Variants in STX17 observed in about 807,000 individuals in gnomAD.
STX17 encodes the protein syntaxin 17.
Under a neutral mutation model 35.9 loss-of-function variants are expected in STX17, and 29 were observed. The observed-to-expected ratio is 0.81, with a 90% CI of 0.60 to 1.10. The LOEUF (loss-of-function observed/expected upper bound fraction) is 1.10. Ranked by LOEUF, STX17 falls within the 50% of genes least tolerant of loss-of-function variation. STX17 has a pLI of 0.00. For missense variants in STX17, 312 were observed against 352.3 expected (o/e 0.89, Z 0.92); for synonymous variants, 92 against 118.3 (o/e 0.78, Z 1.44).
chr9:99,938,467 A>G (rs1829282734), intron 3 of STX17, among the ~76,000 whole-genome samples: 1 of 152,182 alleles, frequency 6.6e-6, no homozygotes, highest in South Asian at 2.1e-4. Flanking sequence ...AATTCACTGA[A>G]GAACATTAAC....
chr9:99,948,966 A>G (rs1420914297), intron 3 of STX17, among the ~76,000 whole-genome samples: 2 of 152,236 alleles, frequency 1.3e-5, no homozygotes, highest in Non-Finnish European at 2.9e-5. Flanking sequence ...ACTGGTAACT[A>G]TATAACCAAG....
intron 3 of STX17, among the ~76,000 whole-genome samples, chr9:99,930,546 C>T (rs907754551): frequency 6.6e-6 from 1 of 152,134 alleles, no homozygotes; most frequent in Non-Finnish European, 1.5e-5. Flanking sequence ...GGATTACAGG[C>T]GTGAGCCACT....
chr9:99,934,463 C>A (rs942672244), intron 3 of STX17, among the ~76,000 whole-genome samples: 13 of 152,032 alleles, frequency 8.6e-5, no homozygotes, highest in African/African-American at 3.1e-4. Context: ...TATATATATT[C>A]TTTCTGGTGA....
chr9:99,928,795 C>T lies in STX17; in HGVS notation c.141C>T (p.Ile47=). ...TTATATAGTATCAAAGGTGCAGAAT[C>T]TGGGACAAGTTGCATGAAGAGCATA... is the stretch of plus-strand genomic sequence containing the variant. ...INIEKYQRCR[I]WDKLHEEHIN... Residue 47 remains isoleucine, a synonymous_variant, in exon 3 of 8, where the codon ATC becomes ATT. Transcript: ENST00000259400. 6.2e-7 allele frequency: 1 copy of T among 1,613,478 alleles called. No individual in the cohort carries two copies. The highest frequency in any genetic ancestry group is 8.5e-7 in the Non-Finnish European group (1 of 1,179,670).
At chr9:99,931,319 G>A (rs1829116682) in intron 3 of STX17, among the ~76,000 whole-genome samples, 1 of 151,710 alleles carries the variant, frequency 6.6e-6, no homozygotes, top group Non-Finnish European at 1.5e-5. Flanking sequence ...TTGTTTTTTT[G>A]TTTTTTCCCT....
At chr9:99,964,191 C>T (rs1829875329) in intron 6 of STX17, among the ~76,000 whole-genome samples, 1 of 152,010 alleles carries the variant, frequency 6.6e-6, no homozygotes, top group Admixed American at 6.6e-5. Context: ...TACAAGTGTC[C>T]CCAACAGGCA....
chr9:99,920,202 C>A (rs768880392), intron 2 of STX17, among the ~76,000 whole-genome samples: 3 of 152,162 alleles, frequency 2.0e-5, no homozygotes, highest in African/African-American at 2.4e-5. Context: ...TAGACATATC[C>A]TGTAGTTCTG....
chr9:99,960,433 G>C (rs2118521297), intron 6 of STX17, among the ~76,000 whole-genome samples: 1 of 151,704 alleles, frequency 6.6e-6, no homozygotes, highest in African/African-American at 2.4e-5. Flanking sequence ...TGCCTTTGAA[G>C]ATTCTTGTTT....
chr9:99,928,711 TTGTGGTAATGGG>T, intron 2 of STX17, 55 bp from the exon 3 acceptor site: 1 of 1,424,082 alleles, frequency 7.0e-7, no homozygotes, highest in Non-Finnish European at 9.9e-7. Flanking sequence ...GTGGGGATTT[TTGTGGTAATGGG>T]AAATAACCCT....
chr9:99,945,684 GT>G (rs1389186166), intron 3 of STX17: 16 of 354,340 alleles, frequency 4.5e-5, no homozygotes, highest in South Asian at 2.0e-4. Flanking sequence ...TATTGATCTT[GT>G]TTTTTTTAAT....
In STX17 at chr9:99,968,546, C is replaced by T. The variant is rs774784654; in HGVS notation, c.782C>T (p.Ala261Val). The change falls in exon 8 of 8, where the codon GCA becomes GTA. Residue 261 changes from alanine to valine, a missense_variant. Transcript: ENST00000259400. ...AGFKVAGIAA[A>V]LGGGVLGFTG... ...TTCAAAGTGGCAGGAATTGCAGCTGCACTTGGTGGTGGGGTGTTGGGCTTC... is the reference window on the plus strand; with the variant it reads ...TTCAAAGTGGCAGGAATTGCAGCTGTACTTGGTGGTGGGGTGTTGGGCTTC... The T allele has an allele frequency of 1.9e-6, 3 of 1,613,716 alleles. No individual in the cohort carries two copies. In the East Asian group the frequency reaches 6.7e-5, roughly 36 times the overall value.
chr9:99,943,672 A>G (rs1829416417), intron 3 of STX17, among the ~76,000 whole-genome samples: 2 of 152,162 alleles, frequency 1.3e-5, no homozygotes, highest in Non-Finnish European at 1.5e-5. Context: ...CCATGACCAT[A>G]TTTTATTGTT....
At chr9:99,948,600 A>T (rs1829530591) in intron 3 of STX17, among the ~76,000 whole-genome samples, 1 of 152,162 alleles carries the variant, frequency 6.6e-6, no homozygotes, top group Non-Finnish European at 1.5e-5. Flanking sequence ...TAATAGTAAT[A>T]TCCATTTCAA....
Position 99,973,126 on chromosome 9 carries a change from C to G in STX17, c.*4453C>G, listed in dbSNP as rs772728493. Among the ~76,000 whole-genome samples the G allele has an allele frequency of 1.3e-5, 2 of 151,170 alleles. No homozygotes were observed. Among genetic ancestry groups the G allele is most frequent in the African/African-American group, 4.9e-5 (2 of 41,070 alleles). On this transcript the variant is annotated 3_prime_UTR_variant, in exon 8 of 8. Transcript: ENST00000259400. ...AAACTTCTTAGGTATTATAAACCAT[C>G]AATGTAAAGGATCCACATGGTATGT...
chr9:99,956,506 A>C lies in STX17; in HGVS notation c.416-3411A>C, dbSNP rs1198291294. 2.0e-5 allele frequency among the ~76,000 whole-genome samples: 3 copies of C among 152,198 alleles called. No individual in the cohort carries two copies. The East Asian group carries it at 5.8e-4, about 29-fold the overall frequency. On this transcript the variant is annotated intron_variant, in intron 4 of 7. Coordinates refer to ENST00000259400, the MANE Select transcript of STX17 (RefSeq NM_017919.3). ...TACCTGGAAATATTAAGTAGAAGAAAGGTCATAGAGTAATTCATTTTTCTT... is the reference window on the plus strand; with the variant it reads ...TACCTGGAAATATTAAGTAGAAGAACGGTCATAGAGTAATTCATTTTTCTT...
chr9:99,921,252 T>C (rs1483159783), intron 2 of STX17, among the ~76,000 whole-genome samples: 1 of 152,184 alleles, frequency 6.6e-6, no homozygotes, highest in Admixed American at 6.5e-5. Context: ...GATTACATCA[T>C]TTTAGAAGCC....
intron 3 of STX17, among the ~76,000 whole-genome samples, chr9:99,944,700 G>A (rs2118452754): frequency 6.6e-6 from 1 of 152,068 alleles, no homozygotes; most frequent in East Asian, 1.9e-4. Context: ...ATTTTTAGTA[G>A]AGATGGGGTT....
intron 6 of STX17, among the ~76,000 whole-genome samples, chr9:99,964,992 AT>A (rs1171558074): frequency 6.6e-6 from 1 of 152,134 alleles, no homozygotes; most frequent in Admixed American, 6.6e-5. Context: ...AGGGGTGATT[AT>A]TGATCCCAGG....
intron 1 of STX17, among the ~76,000 whole-genome samples, chr9:99,911,415 C>T (rs2118290322): frequency 6.6e-6 from 1 of 152,192 alleles, no homozygotes; most frequent in Non-Finnish European, 1.5e-5. Flanking sequence ...TTGACAGACA[C>T]TTAGGTTGAT....
Sources: allele counts gnomAD v4.1 joint callset (sites outside exome capture counted in the v4.1 genomes callset), GRCh38; gene constraint gnomAD v4.1.1; transcripts MANE v1.5; gene names NCBI Gene and HGNC (gene_info 2026-07-23, HGNC 2026-07-21).